ZBTB11: variants seen among roughly 807,000 people sequenced by gnomAD.
The protein encoded by ZBTB11 is zinc finger and BTB domain-containing protein 11.
ZBTB11 carries 68 observed loss-of-function variants against 113.1 expected under a neutral mutation model. That is an observed-to-expected ratio of 0.60 (90% confidence interval 0.49 to 0.74). The LOEUF (loss-of-function observed/expected upper bound fraction) is 0.74. Among genes scored for constraint, ZBTB11 ranks in the 30% least tolerant of loss-of-function variants. ZBTB11 has a pLI of 0.00. For synonymous variants in ZBTB11, 518 were observed against 452.6 expected (o/e 1.14, Z -1.83); for missense variants, 1,104 against 1,279.4 (o/e 0.86, Z 2.09).
chr3:101,654,168 G>A (rs376415790), intron 8 of ZBTB11, among the ~76,000 whole-genome samples: 6 of 152,008 alleles, frequency 3.9e-5, no homozygotes, highest in African/African-American at 1.4e-4. Context: ...AGCCTCCCAA[G>A]TAGCTGGGAC....
rs1936678082 is a variant in ZBTB11 at position 101,650,347 on chromosome 3, T to C, written c.*819A>G. The C allele has an allele frequency of 6.6e-6, 1 of 152,580 alleles. No individual in the cohort carries two copies. The highest frequency in any genetic ancestry group is 6.5e-5 in the Admixed American group (1 of 15,276). 9.5% of individuals were successfully genotyped at this position (152,580 alleles called of 1,614,324 possible). A position where few individuals can be genotyped will look rare whatever the true frequency, so the allele number is the denominator to read the frequency against. On this transcript the variant is annotated 3_prime_UTR_variant, in exon 11 of 11. Transcript: ENST00000312938. ...TTTGCAAATAATGAGAATTTTTTTT[T>C]CCATTAATTGTCCTATGTTATCAAG...
chr3:101,664,841 T>C, intron 4 of ZBTB11, 123 bp downstream of exon 4: 1 of 1,476,448 alleles, frequency 6.8e-7, no homozygotes, highest in Non-Finnish European at 9.1e-7. Context: ...ATTTAAAACA[T>C]TAAGTTGCTA....
intron 3 of ZBTB11, among the ~76,000 whole-genome samples, chr3:101,668,814 C>G (rs1937038127): frequency 6.6e-6 from 1 of 151,840 alleles, no homozygotes; most frequent in African/African-American, 2.4e-5. Context: ...AGGAGCGAGC[C>G]TCTCTGAGCC....
At chr3:101,664,078 A>T (rs1314268008) in intron 5 of ZBTB11, among the ~76,000 whole-genome samples, 1 of 152,164 alleles carries the variant, frequency 6.6e-6, no homozygotes, top group Non-Finnish European at 1.5e-5. Flanking sequence ...CTAAAGGGAC[A>T]GGGGTAGTGA....
intron 3 of ZBTB11, among the ~76,000 whole-genome samples, chr3:101,667,784 C>T (rs938562980): frequency 9.9e-5 from 15 of 151,982 alleles, no homozygotes; most frequent in African/African-American, 3.1e-4. Context: ...AATTAGTACA[C>T]CAGGATGAAA....
At chr3:101,674,605 C>G (rs1008008975) in intron 1 of ZBTB11, among the ~76,000 whole-genome samples, 1 of 151,364 alleles carries the variant, frequency 6.6e-6, no homozygotes, top group Non-Finnish European at 1.5e-5. Context: ...GAGACTGAGG[C>G]ACCAGAATCG....
At chr3:101,660,264 T>C (rs1355408440) in intron 5 of ZBTB11, among the ~76,000 whole-genome samples, 1 of 152,098 alleles carries the variant, frequency 6.6e-6, no homozygotes, top group Non-Finnish European at 1.5e-5. Context: ...GGGCTTGAAA[T>C]GGGTCTTTCA....
At position 101,651,349 on chromosome 3, in the gene ZBTB11, C is replaced by A; in HGVS notation, c.2979G>T (p.Met993Ile). ...LETVVVTGET[M>I]EALEAVAATE... ...TAGCTGCAACAGCTTCCAGAGCTTCCATAGTTTCTCCTGTCACTACCACAG... is the reference window on the plus strand; with the variant it reads ...TAGCTGCAACAGCTTCCAGAGCTTCAATAGTTTCTCCTGTCACTACCACAG... Residue 993 changes from methionine (M) to isoleucine (I), a missense_variant, in exon 11 of 11, where the codon ATG becomes ATT. This residue lies in a region of ZBTB11 where 90 missense variants were observed against 98.0 expected (regional missense o/e 0.92). Transcript: ENST00000312938. The A allele has an allele frequency of 6.2e-7, 1 of 1,613,984 alleles. No individual in the cohort carries two copies. The highest frequency in any genetic ancestry group is 8.5e-7 in the Non-Finnish European group (1 of 1,179,940).
intron 6 of ZBTB11, 139 bp downstream of exon 6, chr3:101,659,644 A>T: frequency 2.0e-6 from 2 of 1,005,530 alleles, no homozygotes; most frequent in South Asian, 1.6e-5. Flanking sequence ...CCTTTGATCT[A>T]GGCAATAAAG....
Position 101,656,116 on chromosome 3 carries a change from T to C in ZBTB11, c.2179A>G (p.Ser727Gly). Residue 727 changes from serine (S) to glycine (G), a missense_variant, in exon 7 of 11, where the codon AGT (serine) becomes GGT (glycine). Ser to Gly is a moderately conservative substitution (Grantham distance 56). Coordinates refer to ENST00000312938, the MANE Select transcript of ZBTB11 (RefSeq NM_014415.4). ...AATTTCTCATTACCTGTGTGAATAC[T>C]CATATGTTCTTGAAGACTCCGTTTG... ...VTKRSLQEHM[S>G]IHTGESKYLC... 1 of 1,576,156 alleles carries C rather than the reference T, an allele frequency of 6.3e-7. No homozygotes were observed. The highest frequency in any genetic ancestry group is 8.6e-7 in the Non-Finnish European group (1 of 1,164,130).
Position 101,651,384 on chromosome 3 carries a change from C to T in ZBTB11, c.2944G>A (p.Glu982Lys). 6.2e-7 allele frequency: 1 copy of T among 1,613,970 alleles called. No individual in the cohort carries two copies. Among genetic ancestry groups the T allele is most frequent in the Non-Finnish European group, 8.5e-7 (1 of 1,179,900 alleles). ...MQEQESSGPQ[E>K]LETVVVTGET... The stretch of plus-strand genomic sequence containing the variant: ...CCTGTCACTACCACAGTCTCAAGTT[C>T]TTGAGGACCACTGCTTTCTTGTTCC... The change falls in exon 11 of 11, where the codon GAA becomes AAA. Residue 982 changes from glutamate (E) to lysine (K), a missense_variant. Glu to Lys is a moderately conservative substitution (Grantham distance 56). Around this residue, in one of 5 missense-constraint regions of ZBTB11, gnomAD observed 90 missense variants for 98.0 expected, o/e 0.92. Transcript: ENST00000312938.
rs758124325 is a variant in ZBTB11, at chr3:101,652,923, G to T, written c.2325C>A (p.Phe775Leu). ...GYHCTQCEKS[F>L]FEARDLRQHM... ...GCTGGCGAAGATCTCTAGCTTCAAA[G>T]AAACTTTTTTCACATCTGCAATAAA... The change falls in exon 9 of 11, where the codon TTC becomes TTA. Residue 775 changes from phenylalanine to leucine, a missense_variant. Phe to Leu is a conservative substitution (Grantham distance 22). This residue lies in a region of ZBTB11 where 148 missense variants were observed against 259.3 expected (regional missense o/e 0.57). Coordinates refer to ENST00000312938, the MANE Select transcript of ZBTB11 (RefSeq NM_014415.4). 2 of 1,611,532 alleles carry T rather than the reference G, an allele frequency of 1.2e-6. No homozygotes were observed. The highest frequency in any genetic ancestry group is 1.7e-6 in the Non-Finnish European group (2 of 1,179,266).
chr3:101,665,288 T>C lies in ZBTB11; in HGVS notation c.1299A>G (p.Thr433=), dbSNP rs780100498. Residue 433 remains threonine, a synonymous_variant, in exon 4 of 11, where the codon ACA becomes ACG. Transcript: ENST00000312938. ...AAAGTTTAGGGTGTATATTAGAAAC[T>C]GTGTTATTTTCTCTGTTGTTTGAAG... ...LETSNNRENN[T]VSNIHPKLSK... 5 of 1,614,086 alleles carry C rather than the reference T, an allele frequency of 3.1e-6. No individual in the cohort carries two copies. The highest frequency in any genetic ancestry group is 2.2e-5 in the South Asian group (2 of 91,090).
In ZBTB11 at chr3:101,651,361, T is replaced by C. The variant is rs1325185362; in HGVS notation, c.2967A>G (p.Thr989=). 5 of 1,613,930 alleles carry C rather than the reference T, an allele frequency of 3.1e-6. No homozygotes were observed. The highest frequency in any genetic ancestry group is 2.2e-5 in the East Asian group (1 of 44,898). ...CTTCCAGAGCTTCCATAGTTTCTCC[T>C]GTCACTACCACAGTCTCAAGTTCTT... ...GPQELETVVV[T]GETMEALEAV... The change falls in exon 11 of 11, where the codon ACA becomes ACG. Residue 989 remains threonine, a synonymous_variant. Coordinates refer to ENST00000312938, the MANE Select transcript of ZBTB11 (RefSeq NM_014415.4).
chr3:101,675,763 T>A (rs1576654973), intron 1 of ZBTB11, among the ~76,000 whole-genome samples: 1 of 152,334 alleles, frequency 6.6e-6, no homozygotes, highest in East Asian at 1.9e-4. Context: ...AACGCGTTTT[T>A]CACATCATTA....
At chr3:101,661,410 C>G (rs531374398) in intron 5 of ZBTB11, among the ~76,000 whole-genome samples, 2 of 152,210 alleles carry the variant, frequency 1.3e-5, no homozygotes, top group South Asian at 4.2e-4. Context: ...TGAAACATGT[C>G]TGTCAACAGC....
intron 3 of ZBTB11, among the ~76,000 whole-genome samples, chr3:101,668,009 G>C (rs995436443): frequency 6.6e-6 from 1 of 152,034 alleles, no homozygotes; most frequent in African/African-American, 2.4e-5. Flanking sequence ...ATGCACAGTG[G>C]AATACTATTC....
At chr3:101,676,526 G>GT in intron 1 of ZBTB11, 79 bp downstream of exon 1, 1 of 1,367,298 alleles carries the variant, frequency 7.3e-7, no homozygotes, top group Non-Finnish European at 9.6e-7. Flanking sequence ...CGACTCGTGG[G>GT]TACGCATAGG....
chr3:101,671,209 T>C lies in ZBTB11; in HGVS notation c.699A>G (p.Ser233=), dbSNP rs112668756. Residue 233 remains serine, a synonymous_variant, in exon 3 of 11, where the codon TCA becomes TCG. Coordinates refer to ENST00000312938, the MANE Select transcript of ZBTB11 (RefSeq NM_014415.4). ...EEYKAHKSVL[S]ANSEYFRDLF... The stretch of plus-strand genomic sequence containing the variant: ...GATCTCGAAAATACTCGCTATTTGC[T>C]GACAAAACAGATTTATGAGCTTTGT... 105 of 1,614,198 alleles carry C rather than the reference T, an allele frequency of 6.5e-5. 1 individual carries two copies. In the African/African-American group the frequency reaches 1.2e-3, roughly 18 times the overall value.
Sources: allele counts gnomAD v4.1 joint callset (sites outside exome capture counted in the v4.1 genomes callset), GRCh38; gene constraint gnomAD v4.1.1; regional missense constraint gnomAD v4.1.1; transcripts MANE v1.5; gene names NCBI Gene and HGNC (gene_info 2026-07-23, HGNC 2026-07-21).